TRABD2B: variants seen among roughly 807,000 people sequenced by gnomAD.
TRABD2B encodes metalloprotease TIKI2.
TRABD2B carries 14 observed loss-of-function variants against 40.1 expected under a neutral mutation model. That is an observed-to-expected ratio of 0.35 (90% CI 0.23 to 0.55). TRABD2B has a LOEUF of 0.55. Ranked by LOEUF, TRABD2B falls within the 20% of genes least tolerant of loss-of-function variation. The pLI is 0.90. For synonymous variants in TRABD2B, 263 were observed against 277.0 expected (o/e 0.95, Z 0.50); for missense variants, 541 against 648.6 (o/e 0.83, Z 1.80).
chr1:47,797,066 T>C (rs1644758916), intron 3 of TRABD2B, among the ~76,000 whole-genome samples: 1 of 152,358 alleles, frequency 6.6e-6, no homozygotes, highest in East Asian at 1.9e-4. Flanking sequence ...GCTATGAATG[T>C]AGGGCCTGAA....
At chr1:47,986,990 C>T (rs915608545) in intron 2 of TRABD2B, among the ~76,000 whole-genome samples, 2 of 152,178 alleles carry the variant, frequency 1.3e-5, no homozygotes, top group African/African-American at 2.4e-5. Flanking sequence ...GGGAAAAGAG[C>T]GTCAGCAGCC....
At chr1:47,867,565 A>G (rs1246863357) in intron 2 of TRABD2B, among the ~76,000 whole-genome samples, 1 of 152,230 alleles carries the variant, frequency 6.6e-6, no homozygotes, top group Non-Finnish European at 1.5e-5. Flanking sequence ...GGACAGGCAA[A>G]CATGCCCAAT....
intron 2 of TRABD2B, among the ~76,000 whole-genome samples, chr1:47,876,790 T>C (rs993382670): frequency 6.6e-6 from 1 of 152,224 alleles, no homozygotes; most frequent in Non-Finnish European, 1.5e-5. Flanking sequence ...CTCTGTTTAC[T>C]CTTTATATAC....
intron 2 of TRABD2B, among the ~76,000 whole-genome samples, chr1:47,843,336 T>C (rs898600200): frequency 6.6e-6 from 1 of 152,004 alleles, no homozygotes; most frequent in South Asian, 2.1e-4. Flanking sequence ...GGGGAGAAAG[T>C]GAGCAGGGGT....
chr1:47,905,659 T>C (rs939098674), intron 2 of TRABD2B, among the ~76,000 whole-genome samples: 33 of 152,192 alleles, frequency 2.2e-4, no homozygotes, highest in African/African-American at 6.5e-4. Flanking sequence ...CTTGACATTC[T>C]CCTTTTCTCT....
intron 2 of TRABD2B, among the ~76,000 whole-genome samples, chr1:47,805,691 C>T (rs1209643039): frequency 6.6e-6 from 1 of 152,168 alleles, no homozygotes; most frequent in Non-Finnish European, 1.5e-5. Context: ...AAGTCTTCAT[C>T]CATTCATTAC....
intron 4 of TRABD2B, among the ~76,000 whole-genome samples, chr1:47,791,309 G>GC (rs1308661664): frequency 6.6e-6 from 1 of 152,334 alleles, no homozygotes; most frequent in East Asian, 1.9e-4. Context: ...TGACAGAAGA[G>GC]CCCCCAGCAG....
chr1:47,970,716 G>A (rs1206868319), intron 2 of TRABD2B, among the ~76,000 whole-genome samples: 1 of 152,136 alleles, frequency 6.6e-6, no homozygotes, highest in East Asian at 1.9e-4. Context: ...ATGTGTCTTG[G>A]GGGTGACTCT....
chr1:47,909,327 C>A (rs1430084019), intron 2 of TRABD2B, among the ~76,000 whole-genome samples: 1 of 143,446 alleles, frequency 7.0e-6, no homozygotes, highest in African/African-American at 3.0e-5. Context: ...CTGGTGAGGG[C>A]CGCAGGCTGC....
In TRABD2B at chr1:47,825,221, A is replaced by G. The variant is rs145175149; in HGVS notation, c.667-23602T>C. On this transcript the variant is annotated intron_variant, in intron 2 of 6. Transcript: ENST00000606738. The stretch of plus-strand genomic sequence containing the variant: ...CACAATAGCCATTTTGCAAATGCAG[A>G]GAGTCAGGCTCAGAGAAAGAAAGTC... Among the ~76,000 whole-genome samples the G allele has an allele frequency of 1.9e-3, 287 of 152,342 alleles. 3 individuals are homozygous for G. Among genetic ancestry groups the G allele is most frequent in the East Asian group, 3.5e-3 (18 of 5,184 alleles).
intron 2 of TRABD2B, chr1:47,819,414 A>G: frequency 6.6e-6 from 1 of 152,222 alleles, no homozygotes; most frequent in East Asian, 1.9e-4. Context: ...AGCTCTTTAC[A>G]AGGCTGAAAC....
intron 2 of TRABD2B, among the ~76,000 whole-genome samples, chr1:47,948,185 A>T (rs770763312): frequency 6.6e-6 from 1 of 152,174 alleles, no homozygotes; most frequent in African/African-American, 2.4e-5. Context: ...GCTCTGGGAC[A>T]GTGGGGATAG....
chr1:47,931,453 C>T (rs1468844440), intron 2 of TRABD2B, among the ~76,000 whole-genome samples: 1 of 152,198 alleles, frequency 6.6e-6, no homozygotes, highest in Non-Finnish European at 1.5e-5. Flanking sequence ...TTGGTGGGTT[C>T]TGCAACTACT....
At chr1:47,977,691 A>AC (rs1408435143) in intron 2 of TRABD2B, among the ~76,000 whole-genome samples, 36 of 151,724 alleles carry the variant, frequency 2.4e-4, no homozygotes, top group Non-Finnish European at 3.8e-4. Context: ...AAAAAAAAAA[A>AC]AAAACACACA....
At chr1:47,979,906 G>C (rs936297520) in intron 2 of TRABD2B, among the ~76,000 whole-genome samples, 6 of 152,174 alleles carry the variant, frequency 3.9e-5, no homozygotes, top group African/African-American at 1.4e-4. Context: ...TCAAGCAAGA[G>C]GGTTGGGAAG....
intron 2 of TRABD2B, among the ~76,000 whole-genome samples, chr1:47,882,239 C>T (rs1342362858): frequency 6.6e-6 from 1 of 152,248 alleles, no homozygotes; most frequent in Non-Finnish European, 1.5e-5. Flanking sequence ...CTCATGCTCC[C>T]CATGCTGCCG....
At chr1:47,782,174 A>T (rs1644533244) in intron 4 of TRABD2B, among the ~76,000 whole-genome samples, 2 of 151,636 alleles carry the variant, frequency 1.3e-5, no homozygotes, top group South Asian at 4.2e-4. Context: ...ATAGAATCCA[A>T]CTCTTCCTTC....
intron 2 of TRABD2B, among the ~76,000 whole-genome samples, chr1:47,905,339 C>T (rs776388225): frequency 1.3e-5 from 2 of 152,170 alleles, no homozygotes; most frequent in Admixed American, 6.5e-5. Flanking sequence ...CCAGAGGAGC[C>T]GTCCTGGCAG....
chr1:47,890,772 T>G (rs537979043), intron 2 of TRABD2B, among the ~76,000 whole-genome samples: 1 of 152,340 alleles, frequency 6.6e-6, no homozygotes, highest in East Asian at 1.9e-4. Flanking sequence ...CACTGGAGCC[T>G]ACTGTAGGCC....
Sources: allele counts gnomAD v4.1 joint callset (sites outside exome capture counted in the v4.1 genomes callset), GRCh38; gene constraint gnomAD v4.1.1; transcripts MANE v1.5; gene names NCBI Gene and HGNC (gene_info 2026-07-23, HGNC 2026-07-21).